TMEM201: variants seen among roughly 807,000 people sequenced by gnomAD.
TMEM201 encodes the protein RP13-15M17.2.
TMEM201 carries 26 observed loss-of-function variants against 63.4 expected under a neutral mutation model. The ratio of observed to expected loss-of-function variants is 0.41; its 90% confidence interval spans 0.30 to 0.57. The LOEUF (loss-of-function observed/expected upper bound fraction) is 0.57. Among genes scored for constraint, TMEM201 ranks in the 20% least tolerant of loss-of-function variants. The pLI, the probability that TMEM201 is intolerant of heterozygous loss-of-function variation, is 0.29. For missense variants in TMEM201, 794 were observed against 917.7 expected (o/e 0.87, Z 1.74); for synonymous variants, 417 against 421.6 (o/e 0.99, Z 0.14).
At chr1:9,596,103 C>A in intron 2 of TMEM201, 93 bp downstream of exon 2, 1 of 1,504,246 alleles carries the variant, frequency 6.6e-7, no homozygotes, top group Non-Finnish European at 8.9e-7. Context: ...TGCCCTGCCC[C>A]GGGGCTCATG....
rs138827779 is a variant in TMEM201 at position 9,591,629 on chromosome 1, C to T, written c.113+2586C>T. ...CCTGCACACACCACCGCCCCGCCTC[C>T]GGGGCTTTGTTGGTGTTTACTGGGA... On this transcript the variant is annotated intron_variant, in intron 1 of 10. Transcript: ENST00000340381. Among the ~76,000 whole-genome samples, 756 of 152,376 alleles carry T rather than the reference C, an allele frequency of 5.0e-3. 3 individuals carry two copies. The highest frequency in any genetic ancestry group is 8.3e-3 in the Non-Finnish European group (564 of 68,038).
intron 2 of TMEM201, among the ~76,000 whole-genome samples, chr1:9,596,632 G>T (rs868442692): frequency 1.3e-5 from 2 of 152,354 alleles, no homozygotes; most frequent in South Asian, 4.1e-4. Context: ...TGCAGGCCCT[G>T]CTCTGTGCTC....
At chr1:9,589,092 CCCGCCCCCGCG>C in intron 1 of TMEM201, 49 bp downstream of exon 1, 1 of 844,986 alleles carries the variant, frequency 1.2e-6, no homozygotes, top group South Asian at 5.2e-5. Context: ...GCCCGCCAGG[CCCGCCCCCGCG>C]CCGCCCCGGC....
chr1:9,598,697 G>T, intron 4 of TMEM201, 72 bp downstream of exon 4: 1 of 1,483,048 alleles, frequency 6.7e-7, no homozygotes, highest in Non-Finnish European at 9.2e-7. Flanking sequence ...AGGAGGCTGG[G>T]CACTAGTGAC....
intron 5 of TMEM201, among the ~76,000 whole-genome samples, chr1:9,601,675 C>T (rs1244281699): frequency 2.6e-5 from 4 of 152,136 alleles, no homozygotes; most frequent in African/African-American, 7.2e-5. Context: ...TGGGCTGGGC[C>T]GGGTTGCCTC....
At chr1:9,590,368 C>T (rs1310311202) in intron 1 of TMEM201, among the ~76,000 whole-genome samples, 3 of 152,166 alleles carry the variant, frequency 2.0e-5, no homozygotes, top group East Asian at 1.9e-4. Flanking sequence ...TCTTCCTGGA[C>T]GAAGCCGCCT....
rs762686672 is a variant in TMEM201 at position 9,605,757 on chromosome 1, C to T, written c.1161-1800C>T. The stretch of plus-strand genomic sequence containing the variant: ...CAGCCTTTAAGCACTGAGGCAGCCC[C>T]GGGTGGTGTGAGCAGGAGCTGGGAG... On this transcript the variant is annotated intron_variant, in intron 6 of 10. Transcript: ENST00000340381. This position sits in a 1 kb window ranked among gnomAD's most constrained non-coding sequence, Gnocchi z 5.7. Among the ~76,000 whole-genome samples, 1 of 152,222 alleles carries T rather than the reference C, an allele frequency of 6.6e-6. No homozygotes were observed. Among genetic ancestry groups the T allele is most frequent in the Admixed American group, 6.5e-5 (1 of 15,284 alleles).
chr1:9,612,921 G>T, intron 10 of TMEM201, 65 bp from the exon 11 acceptor site: 2 of 1,390,610 alleles, frequency 1.4e-6, no homozygotes, highest in South Asian at 2.5e-5. Context: ...GCTCTAGGGG[G>T]CTGCTCAGCT....
At chr1:9,593,393 G>A (rs1329642505) in intron 1 of TMEM201, among the ~76,000 whole-genome samples, 1 of 152,182 alleles carries the variant, frequency 6.6e-6, no homozygotes, top group Non-Finnish European at 1.5e-5. Flanking sequence ...TGTGGGAGAG[G>A]ACCCCCTGGC....
In TMEM201 at chr1:9,609,842, T is replaced by C; in HGVS notation, c.1396T>C (p.Ser466Pro). The change falls in exon 8 of 11, where the codon TCC becomes CCC. Residue 466 changes from serine to proline, a missense_variant and splice_region_variant. Physicochemically the swap from Ser to Pro is moderately conservative, Grantham distance 74. Coordinates refer to ENST00000340381, the MANE Select transcript of TMEM201 (RefSeq NM_001130924.3). ...CGCCCGCTTCTCTCTGTCTCCAGACTCCGGCTATCTGTTCAGCGGTAGCCG... is the reference window on the plus strand; with the variant it reads ...CGCCCGCTTCTCTCTGTCTCCAGACCCCGGCTATCTGTTCAGCGGTAGCCG... ...GTIPSLTRAD[S>P]GYLFSGSRPP... The C allele has an allele frequency of 6.4e-7, 1 of 1,551,388 alleles. No homozygotes were observed. The highest frequency in any genetic ancestry group is 8.7e-7 in the Non-Finnish European group (1 of 1,146,924).
At chr1:9,592,903 C>A (rs1474471947) in intron 1 of TMEM201, among the ~76,000 whole-genome samples, 2 of 152,230 alleles carry the variant, frequency 1.3e-5, no homozygotes, top group Admixed American at 6.5e-5. Context: ...GCTGTCCCCC[C>A]AGAGCTGGAA....
At chr1:9,595,193 G>C (rs1022439709) in intron 1 of TMEM201, among the ~76,000 whole-genome samples, 5 of 152,284 alleles carry the variant, frequency 3.3e-5, no homozygotes, top group African/African-American at 9.6e-5. Context: ...GTAGAGGGGG[G>C]CCCAGAGCAT....
At chr1:9,599,914 T>C (rs1006627480) in intron 4 of TMEM201, among the ~76,000 whole-genome samples, 1 of 152,196 alleles carries the variant, frequency 6.6e-6, no homozygotes, top group African/African-American at 2.4e-5. Context: ...GTGATTTTAA[T>C]TGGAGCTGAC....
chr1:9,598,741 T>A, intron 4 of TMEM201, 116 bp downstream of exon 4: 1 of 956,994 alleles, frequency 1.0e-6, no homozygotes, highest in Non-Finnish European at 1.5e-6. Context: ...AGCCCCTTTA[T>A]TTTTATTTTA....
In TMEM201 at chr1:9,603,928, T is replaced by G; in HGVS notation, c.1160+1656T>G. On this transcript the variant is annotated intron_variant, in intron 6 of 10. Coordinates refer to ENST00000340381, the MANE Select transcript of TMEM201 (RefSeq NM_001130924.3). This position sits in a 1 kb window ranked among gnomAD's most constrained non-coding sequence, Gnocchi z 4.5. The stretch of plus-strand genomic sequence containing the variant: ...AGAAAACCCCTCTGAAAAGATGTGG[T>G]CGGGGCCACGCTTCCCACTGGTTCT... 2.0e-6 allele frequency: 2 copies of G among 985,366 alleles called. No homozygotes were observed. The allele number at this position is 985,366 out of a possible 1,614,324, so 61.0% of individuals were successfully genotyped here.
Position 9,610,888 on chromosome 1 carries a change from A to C in TMEM201, c.1765+83A>C. 6.7e-7 allele frequency: 1 copy of C among 1,489,676 alleles called. No individual in the cohort carries two copies. Among genetic ancestry groups the C allele is most frequent in the Non-Finnish European group, 9.0e-7 (1 of 1,115,668 alleles). 92.3% of individuals were successfully genotyped at this position (1,489,676 alleles called of 1,614,324 possible). ...TGGCTGTGCGGCGGTGGGGGGGCTCATCCTTGCTCTGACTCCGGTGTGCGC... is the reference window on the plus strand; with the variant it reads ...TGGCTGTGCGGCGGTGGGGGGGCTCCTCCTTGCTCTGACTCCGGTGTGCGC... On this transcript the variant is annotated intron_variant, in intron 9 of 10. Coordinates refer to ENST00000340381, the MANE Select transcript of TMEM201 (RefSeq NM_001130924.3). This position sits in a 1 kb window ranked among gnomAD's most constrained non-coding sequence, Gnocchi z 4.9.
At position 9,610,737 on chromosome 1, in the gene TMEM201, G is replaced by T; in HGVS notation, c.1697G>T (p.Ser566Ile). 1 of 1,550,360 alleles carries T rather than the reference G, an allele frequency of 6.5e-7. No individual in the cohort carries two copies. Among genetic ancestry groups the T allele is most frequent in the Non-Finnish European group, 8.7e-7 (1 of 1,146,800 alleles). The change falls in exon 9 of 11, where the codon AGC becomes ATC. Residue 566 changes from serine (S) to isoleucine (I), a missense_variant. Coordinates refer to ENST00000340381, the MANE Select transcript of TMEM201 (RefSeq NM_001130924.3). The surrounding 1 kb of genome is among the most constrained non-coding windows in gnomAD (Gnocchi z 4.9). The part of the protein sequence containing the change: ...SSDEHSPHNG[S>I]LFTMEPPHVP... Reference sequence around the variant, plus strand: ...GATGAGCACTCGCCTCACAACGGCAGCCTCTTCACCATGGAGCCGCCCCAT... The same window carrying T: ...GATGAGCACTCGCCTCACAACGGCATCCTCTTCACCATGGAGCCGCCCCAT...
Position 9,607,433 on chromosome 1 carries a change from C to T in TMEM201, c.1161-124C>T. On this transcript the variant is annotated intron_variant, in intron 6 of 10. Transcript: ENST00000340381. The surrounding 1 kb of genome is among the most constrained non-coding windows in gnomAD (Gnocchi z 5.4). ...TTTCTGCTTTAACTAACGCACGCCT[C>T]CTCTGGGACCCCAGCTGAGGCCCCC... 1.4e-6 allele frequency: 1 copy of T among 706,040 alleles called. No homozygotes were observed. The allele number at this position is 706,040 out of a possible 1,614,324, so 43.7% of individuals were successfully genotyped here.
At position 9,610,642 on chromosome 1, in the gene TMEM201, C is replaced by A. The variant is rs1375912590; in HGVS notation, c.1602C>A (p.Asn534Lys). Residue 534 changes from asparagine (N) to lysine (K), a missense_variant, in exon 9 of 11, where the codon AAC becomes AAA. Asn to Lys is a moderately conservative substitution (Grantham distance 94). Coordinates refer to ENST00000340381, the MANE Select transcript of TMEM201 (RefSeq NM_001130924.3). This position sits in a 1 kb window ranked among gnomAD's most constrained non-coding sequence, Gnocchi z 4.9. ...CCCTCATCAGCCCTGCCCGGCTCAA[C>A]CTGAAGGGACAGAAGCTGCTGCTGT... is the stretch of plus-strand genomic sequence containing the variant. ...RRPLISPARL[N>K]LKGQKLLLFP... The A allele has an allele frequency of 1.9e-6, 3 of 1,550,680 alleles. No homozygotes were observed. The highest frequency in any genetic ancestry group is 2.6e-6 in the Non-Finnish European group (3 of 1,146,920).
Sources: gnomAD v4.1 joint callset for allele counts (sites outside exome capture counted in the v4.1 genomes callset) on GRCh38, gnomAD v4.1.1 for gene constraint, Gnocchi (gnomAD v3.1) non-coding constraint, MANE v1.5 for transcripts, NCBI Gene and HGNC (gene_info 2026-07-23, HGNC 2026-07-21) for gene names.